Variants in TMEM163 observed in about 807,000 individuals in gnomAD.
TMEM163 encodes the protein transmembrane protein 163.
In TMEM163, 17 loss-of-function variants were observed where a neutral mutation model predicts 29.3. That is an observed-to-expected ratio of 0.58 (90% CI 0.40 to 0.87). The LOEUF is 0.87. Among genes scored for constraint, TMEM163 ranks in the 40% least tolerant of loss-of-function variants. The pLI is 0.00. For synonymous variants in TMEM163, 157 were observed against 160.6 expected (o/e 0.98, Z 0.17); for missense variants, 303 against 381.5 (o/e 0.79, Z 1.71).
At chr2:134,580,520 G>T (rs1010301296) in intron 2 of TMEM163, among the ~76,000 whole-genome samples, 1 of 152,164 alleles carries the variant, frequency 6.6e-6, no homozygotes, top group Non-Finnish European at 1.5e-5. Context: ...AGTGTATACG[G>T]AATAAAATTC....
intron 5 of TMEM163, among the ~76,000 whole-genome samples, chr2:134,486,965 A>T (rs1264157544): frequency 6.6e-6 from 1 of 152,204 alleles, no homozygotes; most frequent in Admixed American, 6.5e-5. Flanking sequence ...TAAACAGAAA[A>T]AGTATTCAAA....
At chr2:134,569,910 C>G (rs1314206879) in intron 2 of TMEM163, among the ~76,000 whole-genome samples, 1 of 152,120 alleles carries the variant, frequency 6.6e-6, no homozygotes, top group Non-Finnish European at 1.5e-5. Context: ...TCCATTATTC[C>G]CTAGACATAA....
chr2:134,489,280 A>T (rs1475230050), intron 5 of TMEM163, among the ~76,000 whole-genome samples: 2 of 152,152 alleles, frequency 1.3e-5, no homozygotes, highest in African/African-American at 2.4e-5. Context: ...TGAGTAAAAA[A>T]GTTGCAGTGT....
Position 134,636,066 on chromosome 2 carries a change from C to G in TMEM163, c.322+77134G>C, listed in dbSNP as rs905803324. Among the ~76,000 whole-genome samples the G allele has an allele frequency of 2.2e-4, 33 of 152,208 alleles. 1 individual carries two copies. The highest frequency in any genetic ancestry group is 4.4e-4 in the Non-Finnish European group (30 of 68,032). On this transcript the variant is annotated intron_variant, in intron 2 of 7. Coordinates refer to ENST00000281924, the MANE Select transcript of TMEM163 (RefSeq NM_030923.5). ...CCTGGCCACCCTTCCTTTCCCTTCC[C>G]CCATGGAACTCTCAATTGTCTCTGC...
In TMEM163 at chr2:134,516,686, C is replaced by A. The variant is rs1328062855; in HGVS notation, c.459-13689G>T. Among the ~76,000 whole-genome samples the A allele has an allele frequency of 1.0e-3, 134 of 134,388 alleles. 1 individual carries two copies. Among genetic ancestry groups the A allele is most frequent in the African/African-American group, 3.6e-3 (133 of 36,998 alleles). The allele number at this position is 134,388 out of a possible 152,430, so 88.2% of individuals were successfully genotyped here. The stretch of plus-strand genomic sequence containing the variant: ...TCATACATATAGTCATACATATATG[C>A]ATATATATGCATATATTCATATATA... On this transcript the variant is annotated intron_variant, in intron 4 of 7. Coordinates refer to ENST00000281924, the MANE Select transcript of TMEM163 (RefSeq NM_030923.5).
At chr2:134,487,182 G>A (rs930936252) in intron 5 of TMEM163, among the ~76,000 whole-genome samples, 1 of 152,070 alleles carries the variant, frequency 6.6e-6, no homozygotes, top group Non-Finnish European at 1.5e-5. Context: ...TTTGAAAAGA[G>A]AAACAAAGTG....
chr2:134,579,038 T>C (rs1681630023), intron 2 of TMEM163, among the ~76,000 whole-genome samples: 1 of 152,252 alleles, frequency 6.6e-6, no homozygotes, highest in East Asian at 1.9e-4. Context: ...AAAGTGAAGT[T>C]TCCAGCACCC....
At chr2:134,674,829 C>T (rs907614188) in intron 2 of TMEM163, among the ~76,000 whole-genome samples, 2 of 152,196 alleles carry the variant, frequency 1.3e-5, no homozygotes, top group African/African-American at 4.8e-5. Context: ...TCTGCAAGGA[C>T]ATCTACCCAG....
At chr2:134,525,666 C>T (rs1680278221) in intron 4 of TMEM163, among the ~76,000 whole-genome samples, 1 of 152,156 alleles carries the variant, frequency 6.6e-6, no homozygotes, top group African/African-American at 2.4e-5. Context: ...GGAACTTTGA[C>T]CTCCAAGTTT....
chr2:134,679,318 T>A (rs1684182786), intron 2 of TMEM163, among the ~76,000 whole-genome samples: 1 of 152,254 alleles, frequency 6.6e-6, no homozygotes, highest in South Asian at 2.1e-4. Context: ...TCTGGCCTCA[T>A]GTGTTTGTTC....
At chr2:134,603,645 A>T (rs562691268) in intron 2 of TMEM163, among the ~76,000 whole-genome samples, 1 of 152,296 alleles carries the variant, frequency 6.6e-6, no homozygotes, top group South Asian at 2.1e-4. Context: ...ACACATGCAC[A>T]CACATATCAC....
chr2:134,461,224 C>T (rs1686527525), intron 6 of TMEM163, among the ~76,000 whole-genome samples: 1 of 152,204 alleles, frequency 6.6e-6, no homozygotes, highest in African/African-American at 2.4e-5. Context: ...TGAGGCCATC[C>T]TGATTACAGC....
chr2:134,685,689 T>G (rs931339469), intron 2 of TMEM163, among the ~76,000 whole-genome samples: 13 of 152,242 alleles, frequency 8.5e-5, no homozygotes, highest in Admixed American at 8.5e-4. Flanking sequence ...TTATAAAACT[T>G]ACAAAGGGAA....
At chr2:134,495,998 A>G (rs898910280) in intron 5 of TMEM163, among the ~76,000 whole-genome samples, 6 of 152,134 alleles carry the variant, frequency 3.9e-5, no homozygotes, top group Non-Finnish European at 7.4e-5. Flanking sequence ...TTCATCCACC[A>G]TGAATAGAAG....
intron 2 of TMEM163, among the ~76,000 whole-genome samples, chr2:134,705,755 C>T (rs1420843259): frequency 6.6e-6 from 1 of 152,178 alleles, no homozygotes; most frequent in Non-Finnish European, 1.5e-5. Flanking sequence ...CCTGAGATAT[C>T]CACAGACCAG....
intron 5 of TMEM163, among the ~76,000 whole-genome samples, chr2:134,488,648 A>G (rs945981412): frequency 1.3e-5 from 2 of 152,192 alleles, no homozygotes; most frequent in African/African-American, 4.8e-5. Context: ...CATGTGAGTC[A>G]ATACTCCTTA....
intron 2 of TMEM163, among the ~76,000 whole-genome samples, chr2:134,672,303 T>C (rs1460266100): frequency 2.6e-5 from 4 of 152,174 alleles, no homozygotes; most frequent in Non-Finnish European, 4.4e-5. Flanking sequence ...ATATACTACT[T>C]ACCTCCATTT....
chr2:134,574,474 C>T (rs898984884), intron 2 of TMEM163, among the ~76,000 whole-genome samples: 6 of 152,138 alleles, frequency 3.9e-5, no homozygotes, highest in Non-Finnish European at 5.9e-5. Context: ...GCAGGAGAAT[C>T]GCTTGAGCCC....
chr2:134,507,397 G>T (rs867448502), intron 4 of TMEM163, among the ~76,000 whole-genome samples: 2 of 152,102 alleles, frequency 1.3e-5, no homozygotes, highest in Non-Finnish European at 2.9e-5. Context: ...ATCAGTGGTT[G>T]TCACAGTGTG....
Sources: gnomAD v4.1 joint callset for allele counts (sites outside exome capture counted in the v4.1 genomes callset) on GRCh38, gnomAD v4.1.1 for gene constraint, MANE v1.5 for transcripts, NCBI Gene and HGNC (gene_info 2026-07-23, HGNC 2026-07-21) for gene names.